Variants in SPART observed in about 807,000 individuals in gnomAD.
The protein encoded by SPART is spastic paraplegia 20 (Troyer syndrome).
In SPART, 35 loss-of-function variants were observed where a neutral mutation model predicts 58.7. The ratio of observed to expected loss-of-function variants is 0.60; its 90% CI spans 0.46 to 0.79. SPART has a LOEUF of 0.79. SPART is among the 30% of genes least tolerant of loss of function. SPART has a pLI of 0.00. For missense variants in SPART, 730 were observed against 786.1 expected (o/e 0.93, Z 0.85); for synonymous variants, 284 against 280.7 (o/e 1.01, Z -0.12).
intron 2 of SPART, among the ~76,000 whole-genome samples, chr13:36,331,998 T>C (rs1479095868): frequency 6.6e-6 from 1 of 152,240 alleles, no homozygotes; most frequent in Non-Finnish European, 1.5e-5. Context: ...AAATATTTAC[T>C]GAAATAATAG....
chr13:36,358,190 T>G (rs1377740374), intron 1 of SPART, among the ~76,000 whole-genome samples: 1 of 152,256 alleles, frequency 6.6e-6, no homozygotes, highest in African/African-American at 2.4e-5. Flanking sequence ...TTTTTACAGT[T>G]AAAATTTTCA....
chr13:36,337,125 T>C (rs1884090195), intron 1 of SPART, among the ~76,000 whole-genome samples: 1 of 152,202 alleles, frequency 6.6e-6, no homozygotes, highest in Non-Finnish European at 1.5e-5. Context: ...TTTTCTGTGG[T>C]TTCAGTTACC....
chr13:36,345,192 C>T (rs774097424), intron 1 of SPART, among the ~76,000 whole-genome samples: 4 of 152,170 alleles, frequency 2.6e-5, no homozygotes, highest in Non-Finnish European at 5.9e-5. Flanking sequence ...GTATACACCT[C>T]CCTCCGTAGC....
chr13:36,327,027 A>G (rs1883001623), intron 4 of SPART, among the ~76,000 whole-genome samples: 1 of 152,188 alleles, frequency 6.6e-6, no homozygotes, highest in South Asian at 2.1e-4. Flanking sequence ...CCTAGATATT[A>G]GTGTGCACAT....
intron 2 of SPART, among the ~76,000 whole-genome samples, chr13:36,331,926 C>T (rs1046891834): frequency 2.6e-5 from 4 of 152,024 alleles, no homozygotes; most frequent in Admixed American, 6.5e-5. Flanking sequence ...TTAAGGTTTT[C>T]GTTATTGAAA....
At chr13:36,327,215 C>G (rs1438006389) in intron 4 of SPART, among the ~76,000 whole-genome samples, 1 of 152,184 alleles carries the variant, frequency 6.6e-6, no homozygotes, top group African/African-American at 2.4e-5. Context: ...TATATCTATA[C>G]TTTGCTAACT....
chr13:36,312,503 C>G (rs749613585), intron 6 of SPART, 26 bp from the exon 7 acceptor site: 1 of 1,611,110 alleles, frequency 6.2e-7, no homozygotes, highest in Admixed American at 1.7e-5. Context: ...AAAAAGAAAA[C>G]TTAGGAAAAA....
At chr13:36,322,633 T>C (rs1027787688) in intron 5 of SPART, among the ~76,000 whole-genome samples, 3 of 152,238 alleles carry the variant, frequency 2.0e-5, no homozygotes, top group African/African-American at 4.8e-5. Flanking sequence ...CAGCTTTTGA[T>C]AGTCTTTATT....
chr13:36,346,789 A>C (rs1885175710), upstream of SPART: 1 of 152,358 alleles, frequency 6.6e-6, no homozygotes, highest in Admixed American at 6.5e-5. Flanking sequence ...AGCGAAACCG[A>C]GGCCTCCGGA....
In SPART at chr13:36,302,728, T is replaced by C. The variant is rs994960856; in HGVS notation, c.*1637A>G. ...TGTATCTACTGCTTCAAGCATTCAT[T>C]TGTGTTACAAACGTCCCAATTACAC... On this transcript the variant is annotated 3_prime_UTR_variant, in exon 9 of 9. Coordinates refer to ENST00000438666, the MANE Select transcript of SPART (RefSeq NM_015087.5). 1.3e-5 allele frequency: 2 copies of C among 152,192 alleles called. No individual in the cohort carries two copies. The highest frequency in any genetic ancestry group is 2.9e-5 in the Non-Finnish European group (2 of 68,018). The allele number at this position is 152,192 out of a possible 1,614,324, so 9.4% of individuals were successfully genotyped here. A position where few individuals can be genotyped will look rare whatever the true frequency, so the allele number is the denominator to read the frequency against.
At chr13:36,369,914 A>G (rs1886206286) in intron 1 of SPART, among the ~76,000 whole-genome samples, 1 of 152,228 alleles carries the variant, frequency 6.6e-6, no homozygotes, top group South Asian at 2.1e-4. Context: ...TTTAAAATAC[A>G]CAATAGAACT....
chr13:36,309,183 G>A (rs1038436514), intron 8 of SPART, among the ~76,000 whole-genome samples: 1 of 151,106 alleles, frequency 6.6e-6, no homozygotes, highest in Non-Finnish European at 1.5e-5. Flanking sequence ...GGCGGAGGTT[G>A]CAGTGAGCCA....
chr13:36,311,176 T>A (rs973341067), intron 8 of SPART, among the ~76,000 whole-genome samples: 1 of 152,164 alleles, frequency 6.6e-6, no homozygotes, highest in Admixed American at 6.5e-5. Context: ...TGTGCCAGGA[T>A]AAAGAAGTAT....
intron 5 of SPART, among the ~76,000 whole-genome samples, chr13:36,322,152 C>T (rs1259276682): frequency 6.6e-6 from 1 of 152,222 alleles, no homozygotes; most frequent in African/African-American, 2.4e-5. Context: ...GTTGCTCACA[C>T]AAAGCCCGTT....
intron 8 of SPART, among the ~76,000 whole-genome samples, chr13:36,308,876 G>A (rs1352951753): frequency 6.6e-6 from 1 of 152,112 alleles, no homozygotes; most frequent in East Asian, 1.9e-4. Flanking sequence ...GAAGTGAGTT[G>A]GAAGACTTGA....
chr13:36,305,483 C>G (rs1303254389), intron 8 of SPART, among the ~76,000 whole-genome samples: 1 of 152,076 alleles, frequency 6.6e-6, no homozygotes, highest in Non-Finnish European at 1.5e-5. Context: ...TTAACATATC[C>G]TAAACATTGA....
chr13:36,334,694 C>T (rs1183418592), intron 2 of SPART, among the ~76,000 whole-genome samples: 1 of 152,144 alleles, frequency 6.6e-6, no homozygotes, highest in African/African-American at 2.4e-5. Flanking sequence ...TATACATCCA[C>T]AGGAATTACA....
At chr13:36,367,899 TA>T (rs1886128436) in intron 1 of SPART, among the ~76,000 whole-genome samples, 1 of 152,206 alleles carries the variant, frequency 6.6e-6, no homozygotes, top group South Asian at 2.1e-4. Flanking sequence ...CCTAAGCTTT[TA>T]AAAAATTATA....
chr13:36,345,873 G>A (rs1885056918), intron 1 of SPART, among the ~76,000 whole-genome samples: 2 of 152,228 alleles, frequency 1.3e-5, no homozygotes, highest in East Asian at 1.9e-4. Flanking sequence ...AAACAACGGG[G>A]TTGGGGCGGC....
Sources: gnomAD v4.1 joint callset for allele counts (sites outside exome capture counted in the v4.1 genomes callset) on GRCh38, gnomAD v4.1.1 for gene constraint, MANE v1.5 for transcripts, NCBI Gene and HGNC (gene_info 2026-07-23, HGNC 2026-07-21) for gene names.